The following ULK4 variants were observed in gnomAD, a reference collection of about 807,000 sequenced individuals.
ULK4 encodes unc-51 like kinase 4.
A neutral mutation model predicts 160.6 loss-of-function variants in ULK4; 133 were observed. The observed-to-expected ratio is 0.83, with a 90% confidence interval of 0.72 to 0.96. The LOEUF is 0.96. Among genes scored for constraint, ULK4 ranks in the 40% least tolerant of loss-of-function variants. The pLI, the probability that ULK4 is intolerant of heterozygous loss-of-function variation, is 0.00. For missense variants in ULK4, 1,580 were observed against 1,499.5 expected (o/e 1.05, Z -0.89); for synonymous variants, 534 against 539.8 (o/e 0.99, Z 0.15).
At chr3:41,959,829 G>A (rs1032978802) in intron 1 of ULK4, among the ~76,000 whole-genome samples, 1 of 152,100 alleles carries the variant, frequency 6.6e-6, no homozygotes, top group Non-Finnish European at 1.5e-5. Context: ...TATATGGTAT[G>A]TATTATAACC....
At chr3:41,736,885 G>A (rs1422797620) in intron 22 of ULK4, among the ~76,000 whole-genome samples, 1 of 151,002 alleles carries the variant, frequency 6.6e-6, no homozygotes, top group Non-Finnish European at 1.5e-5. Context: ...TGTAAGGAAG[G>A]GATCCAGTTT....
intron 27 of ULK4, among the ~76,000 whole-genome samples, chr3:41,688,961 G>A (rs541322489): frequency 6.6e-6 from 1 of 152,306 alleles, no homozygotes; most frequent in African/African-American, 2.4e-5. Flanking sequence ...GCCTGGGATG[G>A]TTAGGATTTA....
intron 5 of ULK4, among the ~76,000 whole-genome samples, chr3:41,923,520 T>G (rs972671606): frequency 1.3e-5 from 2 of 152,094 alleles, no homozygotes; most frequent in Non-Finnish European, 2.9e-5. Flanking sequence ...AAAGAATCCC[T>G]GAACCAATGT....
intron 17 of ULK4, among the ~76,000 whole-genome samples, chr3:41,849,005 A>ACTCT (rs1008813239): frequency 6.6e-6 from 1 of 151,956 alleles, no homozygotes; most frequent in Non-Finnish European, 1.5e-5. Flanking sequence ...AATTTTCCAT[A>ACTCT]CTCTCTTCCT....
At chr3:41,839,618 C>G (rs918020282) in intron 17 of ULK4, among the ~76,000 whole-genome samples, 3 of 151,616 alleles carry the variant, frequency 2.0e-5, no homozygotes, top group Non-Finnish European at 4.4e-5. Context: ...AAAAAACTAA[C>G]TATCACAACT....
chr3:41,618,012 G>T (rs2033061782), intron 30 of ULK4, among the ~76,000 whole-genome samples: 2 of 152,118 alleles, frequency 1.3e-5, no homozygotes, highest in East Asian at 1.9e-4. Context: ...TCAAGTGGAA[G>T]AAAGTATATC....
At chr3:41,276,539 A>C (rs1397316606) in intron 35 of ULK4, among the ~76,000 whole-genome samples, 1 of 152,282 alleles carries the variant, frequency 6.6e-6, no homozygotes, top group Non-Finnish European at 1.5e-5. Flanking sequence ...CTGAAAGGAA[A>C]ACCTCAGAGC....
intron 32 of ULK4, among the ~76,000 whole-genome samples, chr3:41,499,591 A>G (rs2085116064): frequency 6.6e-6 from 1 of 152,214 alleles, no homozygotes; most frequent in Non-Finnish European, 1.5e-5. Context: ...TCACTTCTAC[A>G]TAAAGATTTT....
intron 34 of ULK4, among the ~76,000 whole-genome samples, chr3:41,420,247 T>A (rs995377376): frequency 1.4e-4 from 22 of 152,072 alleles, no homozygotes; most frequent in African/African-American, 5.1e-4. Flanking sequence ...TACTTTAAAT[T>A]TATATTTTAA....
At chr3:41,880,980 A>G (rs540903190) in intron 17 of ULK4, among the ~76,000 whole-genome samples, 110 of 152,228 alleles carry the variant, frequency 7.2e-4, no homozygotes, top group African/African-American at 2.6e-3. Context: ...TGCAACCACA[A>G]TTTTTCCTGT....
chr3:41,554,760 C>G (rs2087223343), intron 32 of ULK4, among the ~76,000 whole-genome samples: 1 of 152,094 alleles, frequency 6.6e-6, no homozygotes, highest in Non-Finnish European at 1.5e-5. Flanking sequence ...CCTAAATACC[C>G]TGATTTGATC....
At chr3:41,407,055 T>C (rs905028476) in intron 34 of ULK4, among the ~76,000 whole-genome samples, 1 of 152,080 alleles carries the variant, frequency 6.6e-6, no homozygotes, top group African/African-American at 2.4e-5. Flanking sequence ...CTAGAGTTGA[T>C]AGGACAAGTT....
intron 35 of ULK4, among the ~76,000 whole-genome samples, chr3:41,255,904 G>A (rs2078825827): frequency 1.3e-5 from 2 of 152,082 alleles, no homozygotes; most frequent in African/African-American, 4.8e-5. Flanking sequence ...TCTAAAAACT[G>A]CAGAATATAT....
chr3:41,869,325 G>A lies in ULK4; in HGVS notation c.1656+14549C>T, dbSNP rs80131009. 2.2e-3 allele frequency among the ~76,000 whole-genome samples: 335 copies of A among 152,022 alleles called. 1 individual carries two copies. The highest frequency in any genetic ancestry group is 0.012 in the East Asian group (61 of 5,174). ...CACCATGGCTCGTGCCTATAATCCC[G>A]GCACTTTGGGAAGCTAAGGCGGATG... On this transcript the variant is annotated intron_variant, in intron 17 of 36. Transcript: ENST00000301831.
At chr3:41,790,190 G>C (rs1372247841) in intron 20 of ULK4, among the ~76,000 whole-genome samples, 1 of 152,154 alleles carries the variant, frequency 6.6e-6, no homozygotes, top group Non-Finnish European at 1.5e-5. Flanking sequence ...TTGTAAAAGT[G>C]AATATCTAAC....
At chr3:41,949,430 GA>G (rs1243132217) in intron 2 of ULK4, among the ~76,000 whole-genome samples, 1 of 96,426 alleles carries the variant, frequency 1.0e-5, no homozygotes, top group Non-Finnish European at 2.3e-5. Flanking sequence ...AAGATTAGCG[GA>G]ATTTTTTTTT....
At position 41,666,376 on chromosome 3, in the gene ULK4, G is replaced by C. The variant is rs139555120; in HGVS notation, c.2979-2677C>G. 1.9e-4 allele frequency among the ~76,000 whole-genome samples: 29 copies of C among 152,302 alleles called. No individual in the cohort carries two copies. The East Asian group carries it at 5.6e-3, about 29-fold the overall frequency. On this transcript the variant is annotated intron_variant, in intron 29 of 36. Transcript: ENST00000301831. ...CTGCTAGGAAGTTATCTCCCAGGTG[G>C]CAGTCAAGGACCAGTTTCTTTAGAA...
At chr3:41,503,270 A>G (rs1212225773) in intron 32 of ULK4, among the ~76,000 whole-genome samples, 1 of 152,232 alleles carries the variant, frequency 6.6e-6, no homozygotes, top group Non-Finnish European at 1.5e-5. Flanking sequence ...TTTAATTTCA[A>G]AACTCTCACA....
chr3:41,831,234 C>T (rs1459657810), intron 18 of ULK4, among the ~76,000 whole-genome samples: 2 of 151,770 alleles, frequency 1.3e-5, no homozygotes, highest in African/African-American at 2.4e-5. Context: ...CCATGTTGAC[C>T]AGGGCGGTCT....
Sources: gnomAD v4.1 joint callset for allele counts (sites outside exome capture counted in the v4.1 genomes callset) on GRCh38, gnomAD v4.1.1 for gene constraint, MANE v1.5 for transcripts, NCBI Gene and HGNC (gene_info 2026-07-23, HGNC 2026-07-21) for gene names.